The following XRCC4 variants were observed in gnomAD, a reference collection of about 807,000 sequenced individuals.
The protein encoded by XRCC4 is DNA repair protein XRCC4.
A neutral mutation model predicts 39.1 loss-of-function variants in XRCC4; 28 were observed. The ratio of observed to expected loss-of-function variants is 0.72; its 90% CI spans 0.53 to 0.98. The LOEUF is 0.98. Among genes scored for constraint, XRCC4 ranks in the 50% least tolerant of loss-of-function variants. The pLI, the probability that XRCC4 is intolerant of heterozygous loss-of-function variation, is 0.00. For missense variants in XRCC4, 350 were observed against 376.4 expected, an observed-to-expected ratio of 0.93 and a Z score of 0.58; for synonymous variants, 123 against 126.4, an observed-to-expected ratio of 0.97 and a Z score of 0.18.
At chr5:83,224,258 T>G (rs1752205556) in intron 6 of XRCC4, among the ~76,000 whole-genome samples, 1 of 152,070 alleles carries the variant, frequency 6.6e-6, no homozygotes, top group Non-Finnish European at 1.5e-5. Context: ...CTTTTTATTC[T>G]TTTCTGTTTC....
intron 1 of XRCC4, among the ~76,000 whole-genome samples, chr5:83,080,149 T>G (rs1744869662): frequency 6.6e-6 from 1 of 152,208 alleles, no homozygotes; most frequent in Non-Finnish European, 1.5e-5. Context: ...TATTAGGCAC[T>G]AAATACAGTA....
intron 6 of XRCC4, among the ~76,000 whole-genome samples, chr5:83,224,606 A>G (rs549209545): frequency 9.9e-5 from 15 of 152,224 alleles, no homozygotes; most frequent in African/African-American, 3.4e-4. Flanking sequence ...TTTACCAATG[A>G]ATTTTGTACT....
rs529590284 is a variant in XRCC4, at chr5:83,348,310, C to A, written c.894-4821C>A. Among the ~76,000 whole-genome samples, 14 of 152,310 alleles carry A rather than the reference C, an allele frequency of 9.2e-5. No individual in the cohort carries two copies. In the South Asian group the frequency reaches 2.9e-3, roughly 32 times the overall value. ...TAGAGGTTCTCCAAGAGGACTCTAC[C>A]CCTGCAGCAGACTTCTGCCTGGACA... On this transcript the variant is annotated intron_variant, in intron 7 of 7. Transcript: ENST00000396027.
At chr5:83,216,426 C>T (rs943289966) in intron 6 of XRCC4, among the ~76,000 whole-genome samples, 28 of 152,146 alleles carry the variant, frequency 1.8e-4, no homozygotes, top group Admixed American at 6.5e-5. Flanking sequence ...AAGTAAAATA[C>T]ATACTTACCC....
chr5:83,232,831 TA>T (rs1003717349), intron 6 of XRCC4, among the ~76,000 whole-genome samples: 3 of 152,182 alleles, frequency 2.0e-5, no homozygotes, highest in Non-Finnish European at 4.4e-5. Flanking sequence ...TTGCTTTATA[TA>T]ATTTATCTCA....
chr5:83,296,847 C>A (rs1374847654), intron 7 of XRCC4, among the ~76,000 whole-genome samples: 1 of 150,966 alleles, frequency 6.6e-6, no homozygotes, highest in Non-Finnish European at 1.5e-5. Context: ...CCATTATATA[C>A]CAATATATTT....
At chr5:83,120,587 T>C (rs1580248669) in intron 3 of XRCC4, among the ~76,000 whole-genome samples, 1 of 152,368 alleles carries the variant, frequency 6.6e-6, no homozygotes, top group Admixed American at 6.5e-5. Context: ...GTATAACATT[T>C]TTGAGATGTC....
At chr5:83,217,339 G>T (rs1429115681) in intron 6 of XRCC4, among the ~76,000 whole-genome samples, 1 of 120,060 alleles carries the variant, frequency 8.3e-6, no homozygotes, top group Non-Finnish European at 1.6e-5. Flanking sequence ...CCGGGGCAGC[G>T]CAGAGCAAGA....
At position 83,196,772 on chromosome 5, in the gene XRCC4, T is replaced by A. The variant is rs540770110; in HGVS notation, c.482+836T>A. Among the ~76,000 whole-genome samples, 132 of 151,708 alleles carry A rather than the reference T, an allele frequency of 8.7e-4. No homozygotes were observed. In the Middle Eastern group the frequency reaches 0.01, roughly 12 times the overall value. ...TTATTAGTACATCCAGTAGATTTTT[T>A]AAATCTTTTGCTTAAATAACTCTAA... On this transcript the variant is annotated intron_variant, in intron 4 of 7. Transcript: ENST00000396027.
At chr5:83,096,072 G>C (rs527587321) in intron 1 of XRCC4, among the ~76,000 whole-genome samples, 23 of 152,124 alleles carry the variant, frequency 1.5e-4, no homozygotes, top group South Asian at 4.1e-4. Context: ...GCCCTGTCAG[G>C]ATCTACTGTG....
At chr5:83,173,818 G>T (rs1749833921) in intron 3 of XRCC4, among the ~76,000 whole-genome samples, 1 of 152,156 alleles carries the variant, frequency 6.6e-6, no homozygotes, top group African/African-American at 2.4e-5. Flanking sequence ...ATTCTAAGGG[G>T]ACATGGAATG....
At chr5:83,144,040 T>A (rs946262151) in intron 3 of XRCC4, among the ~76,000 whole-genome samples, 1 of 152,160 alleles carries the variant, frequency 6.6e-6, no homozygotes, top group African/African-American at 2.4e-5. Flanking sequence ...TGTAGTTTTT[T>A]ATCCCTCATT....
intron 7 of XRCC4, among the ~76,000 whole-genome samples, chr5:83,290,039 C>A (rs953042416): frequency 6.6e-6 from 1 of 151,760 alleles, no homozygotes; most frequent in South Asian, 2.1e-4. Flanking sequence ...TTAAAATTCC[C>A]CTTTGAGTGT....
intron 6 of XRCC4, among the ~76,000 whole-genome samples, chr5:83,252,406 G>T (rs1046089762): frequency 4.6e-5 from 7 of 151,632 alleles, no homozygotes; most frequent in Admixed American, 4.6e-4. Flanking sequence ...CATAATAGAT[G>T]GTGGTTCTGT....
At chr5:83,119,998 C>CAAAAAAAAA (rs367806953) in intron 3 of XRCC4, among the ~76,000 whole-genome samples, 1 of 62,108 alleles carries the variant, frequency 1.6e-5, no homozygotes, top group Non-Finnish European at 3.3e-5. Context: ...CCTTGTCTCA[C>CAAAAAAAAA]AAAAAAAAAA....
intron 3 of XRCC4, among the ~76,000 whole-genome samples, chr5:83,135,165 G>A (rs1158081279): frequency 6.6e-6 from 1 of 152,154 alleles, no homozygotes; most frequent in Non-Finnish European, 1.5e-5. Flanking sequence ...CTGACCCCTT[G>A]AGCTTCCAGG....
chr5:83,162,933 T>A lies in XRCC4; in HGVS notation c.316-32837T>A, dbSNP rs1016508635. On this transcript the variant is annotated intron_variant, in intron 3 of 7. Transcript: ENST00000396027. Reference sequence around the variant, plus strand: ...TTTTTTTTCCTTTTTCTTTTTTTTTTCTTTTTCTTTCTTTCTTTCTTTTTT... The same window carrying A: ...TTTTTTTTCCTTTTTCTTTTTTTTTACTTTTTCTTTCTTTCTTTCTTTTTT... 2.4e-5 allele frequency among the ~76,000 whole-genome samples: 3 copies of A among 122,566 alleles called. No individual in the cohort carries two copies. In the East Asian group the frequency reaches 6.0e-4, roughly 25 times the overall value. 80.4% of individuals were successfully genotyped at this position (122,566 alleles called of 152,430 possible).
intron 3 of XRCC4, among the ~76,000 whole-genome samples, chr5:83,188,060 T>C (rs997317558): frequency 1.3e-5 from 2 of 152,318 alleles, no homozygotes; most frequent in Middle Eastern, 3.4e-3. Flanking sequence ...TTATGTATTA[T>C]TGAGTAACAC....
chr5:83,114,084 G>C (rs1038879926), intron 3 of XRCC4, among the ~76,000 whole-genome samples: 1 of 152,190 alleles, frequency 6.6e-6, no homozygotes, highest in Non-Finnish European at 1.5e-5. Flanking sequence ...GCCTGTTTTA[G>C]CGACTGCTGG....
Sources: gnomAD v4.1 joint callset for allele counts (sites outside exome capture counted in the v4.1 genomes callset) on GRCh38, gnomAD v4.1.1 for gene constraint, MANE v1.5 for transcripts, NCBI Gene and HGNC (gene_info 2026-07-23, HGNC 2026-07-21) for gene names.